The following CSMD1 variants were observed in gnomAD, a reference collection of about 807,000 sequenced individuals.
CSMD1 encodes the protein CUB and sushi domain-containing protein 1.
In CSMD1, 213 loss-of-function variants were observed where a neutral mutation model predicts 417.5. That is an observed-to-expected ratio of 0.51 (90% CI 0.46 to 0.57). CSMD1 has a LOEUF of 0.57. CSMD1 is among the 20% of genes least tolerant of loss of function. CSMD1 has a pLI of 0.00. For synonymous variants in CSMD1, 2,862 were observed against 1,736.8 expected (o/e 1.65, Z -16.11); for missense variants, 6,923 against 4,529.7 (o/e 1.53, Z -15.17).
intron 5 of CSMD1, among the ~76,000 whole-genome samples, chr8:3,943,926 A>G (rs1305938969): frequency 6.6e-6 from 1 of 152,138 alleles, no homozygotes; most frequent in African/African-American, 2.4e-5. Context: ...CTGAGCCAGA[A>G]AACACAATGG....
intron 3 of CSMD1, among the ~76,000 whole-genome samples, chr8:4,335,664 C>T (rs1800121664): frequency 6.6e-6 from 1 of 152,116 alleles, no homozygotes; most frequent in Admixed American, 6.5e-5. Context: ...TTGCTGGGAG[C>T]ATGAAGTATA....
intron 18 of CSMD1, among the ~76,000 whole-genome samples, chr8:3,370,642 G>A (rs1366288591): frequency 6.6e-6 from 1 of 152,156 alleles, no homozygotes; most frequent in East Asian, 1.9e-4. Flanking sequence ...AATGTGAACT[G>A]GCATCATTCA....
At chr8:3,833,500 T>C (rs953760634) in intron 5 of CSMD1, among the ~76,000 whole-genome samples, 6 of 152,122 alleles carry the variant, frequency 3.9e-5, no homozygotes, top group Admixed American at 2.6e-4. Context: ...CAAAGCCCTT[T>C]CCTCATTCAT....
chr8:4,692,329 G>C (rs944720907), intron 1 of CSMD1, among the ~76,000 whole-genome samples: 10 of 152,110 alleles, frequency 6.6e-5, no homozygotes, highest in Non-Finnish European at 1.2e-4. Context: ...AACAAAAAAA[G>C]AATGTATTAA....
Position 2,962,630 on chromosome 8 carries a change from C to G in CSMD1, c.9464G>C (p.Cys3155Ser). ...TTCTGCGGGGATGCCAGGGTCTCCG[C>G]AGAACACAGCTATGGAAGATAACCA... Reference protein sequence around the residue: ...GEIPQCLPVFCGDPGIPAEGR... With the variant: ...GEIPQCLPVFSGDPGIPAEGR... Residue 3155 changes from cysteine to serine, a missense_variant, in exon 61 of 70, where the codon TGC becomes TCC. Coordinates refer to ENST00000635120, the MANE Select transcript of CSMD1 (RefSeq NM_033225.6). 1 of 1,613,652 alleles carries G rather than the reference C, an allele frequency of 6.2e-7. No individual in the cohort carries two copies. Among genetic ancestry groups the G allele is most frequent in the Non-Finnish European group, 8.5e-7 (1 of 1,179,726 alleles).
At position 3,316,740 on chromosome 8, in the gene CSMD1, G is replaced by C. The variant is rs553712514; in HGVS notation, c.3632-8237C>G. Among the ~76,000 whole-genome samples, 4 of 152,312 alleles carry C rather than the reference G, an allele frequency of 2.6e-5. No individual in the cohort carries two copies. In the East Asian group the frequency reaches 7.7e-4, roughly 29 times the overall value. On this transcript the variant is annotated intron_variant, in intron 23 of 69. Transcript: ENST00000635120. ...GGAAGACAGGAAAGGTCACGGGAAA[G>C]ACTGGAAAGGACTCGGCTGCAGCAC...
intron 3 of CSMD1, among the ~76,000 whole-genome samples, chr8:4,132,744 G>A (rs535390593): frequency 1.1e-4 from 16 of 152,158 alleles, no homozygotes; most frequent in Non-Finnish European, 1.5e-4. Context: ...ATGTTGCAGA[G>A]ATAGTGTTGA....
intron 3 of CSMD1, among the ~76,000 whole-genome samples, chr8:4,103,377 T>C (rs1801404341): frequency 6.6e-6 from 1 of 151,616 alleles, no homozygotes; most frequent in African/African-American, 2.4e-5. Flanking sequence ...CCAATGATTT[T>C]CAGGGAACCA....
chr8:2,973,251 G>A lies in CSMD1; in HGVS notation c.8789C>T (p.Ser2930Phe). The change falls in exon 57 of 70, where the codon TCT becomes TTT. Residue 2930 changes from serine (S) to phenylalanine (F), a missense_variant. Transcript: ENST00000635120. ...CGDPGTPAHG[S>F]RLGDDFKTKS... ...TGTCTTAAAGTCATCACCAAGCCGA[G>A]ACCCATGTGCTGGGGTCCCCGGATC... The A allele has an allele frequency of 6.2e-7, 1 of 1,613,910 alleles. No individual in the cohort carries two copies. Among genetic ancestry groups the A allele is most frequent in the Non-Finnish European group, 8.5e-7 (1 of 1,179,848 alleles).
chr8:4,890,990 GT>G (rs1158965189), intron 1 of CSMD1, among the ~76,000 whole-genome samples: 1 of 152,030 alleles, frequency 6.6e-6, no homozygotes, highest in Non-Finnish European at 1.5e-5. Context: ...AAGAACACAT[GT>G]TTTCAATCAA....
chr8:3,659,065 A>G (rs1798274303), intron 7 of CSMD1, among the ~76,000 whole-genome samples: 1 of 152,244 alleles, frequency 6.6e-6, no homozygotes, highest in Admixed American at 6.5e-5. Flanking sequence ...ACTTGAAATT[A>G]GTTCTAATTT....
At chr8:3,627,461 G>C (rs916404166) in intron 7 of CSMD1, among the ~76,000 whole-genome samples, 3 of 152,110 alleles carry the variant, frequency 2.0e-5, no homozygotes, top group Non-Finnish European at 4.4e-5. Context: ...GACTATGTAG[G>C]TTATTTAAAG....
intron 1 of CSMD1, among the ~76,000 whole-genome samples, chr8:4,836,343 T>A (rs559556016): frequency 6.6e-6 from 1 of 152,212 alleles, no homozygotes; most frequent in African/African-American, 2.4e-5. Flanking sequence ...CCATGTCTTA[T>A]GAAGACTTCT....
At chr8:3,320,737 C>G (rs192898270) in intron 23 of CSMD1, among the ~76,000 whole-genome samples, 94 of 152,208 alleles carry the variant, frequency 6.2e-4, no homozygotes, top group African/African-American at 1.8e-3. Context: ...ATCCATCAGC[C>G]TAACTGTGGC....
intron 1 of CSMD1, among the ~76,000 whole-genome samples, chr8:4,766,901 G>A (rs73177548): frequency 0.056 from 8,582 of 152,038 alleles, 301 homozygotes; most frequent in South Asian, 0.075. Flanking sequence ...TTTTCCGCAG[G>A]GCTTGAAGAT....
chr8:4,505,302 G>C (rs1802462500), intron 2 of CSMD1, among the ~76,000 whole-genome samples: 2 of 152,096 alleles, frequency 1.3e-5, no homozygotes, highest in Admixed American at 6.6e-5. Flanking sequence ...AATCACCAAC[G>C]AGGTAAAAGA....
intron 2 of CSMD1, among the ~76,000 whole-genome samples, chr8:4,511,178 C>G (rs924953268): frequency 1.1e-4 from 16 of 152,186 alleles, no homozygotes; most frequent in African/African-American, 3.9e-4. Context: ...ACATAGCAAG[C>G]CTGCAATAGT....
chr8:3,959,288 G>C (rs986943519), intron 5 of CSMD1, among the ~76,000 whole-genome samples: 1 of 152,194 alleles, frequency 6.6e-6, no homozygotes, highest in African/African-American at 2.4e-5. Context: ...CTTGAGGCCA[G>C]AAATGTGGGA....
intron 26 of CSMD1, among the ~76,000 whole-genome samples, chr8:3,268,481 G>C (rs541171967): frequency 3.9e-4 from 59 of 151,838 alleles, no homozygotes; most frequent in African/African-American, 1.3e-3. Flanking sequence ...AGTAGAGACA[G>C]GGTTTCACCG....
Sources: gnomAD v4.1 joint callset for allele counts (sites outside exome capture counted in the v4.1 genomes callset) on GRCh38, gnomAD v4.1.1 for gene constraint, MANE v1.5 for transcripts, NCBI Gene and HGNC (gene_info 2026-07-23, HGNC 2026-07-21) for gene names.